CDH9: variants seen among roughly 807,000 people sequenced by gnomAD.
CDH9 encodes the protein cadherin-9.
In CDH9, 28 loss-of-function variants were observed where a neutral mutation model predicts 70.9. That is an observed-to-expected ratio of 0.40 (90% CI 0.29 to 0.54). The LOEUF (loss-of-function observed/expected upper bound fraction) is 0.54, where lower values mean the gene tolerates loss of function less well. Ranked by LOEUF, CDH9 falls within the 20% of genes least tolerant of loss-of-function variation. The probability of loss-of-function intolerance (pLI) is 0.59; values close to 1 mark genes in which losing one functional copy is unlikely to be tolerated. For synonymous variants in CDH9, 409 were observed against 343.1 expected (o/e 1.19, Z -2.12); for missense variants, 874 against 984.4 (o/e 0.89, Z 1.50).
intron 1 of CDH9, among the ~76,000 whole-genome samples, chr5:26,998,156 A>G (rs1470081226): frequency 6.6e-6 from 1 of 152,206 alleles, no homozygotes; most frequent in Non-Finnish European, 1.5e-5. Context: ...GCCTTTGAGC[A>G]ATAGAAACAA....
chr5:26,894,379 T>C (rs1424611129), intron 7 of CDH9, among the ~76,000 whole-genome samples: 2 of 152,164 alleles, frequency 1.3e-5, no homozygotes, highest in East Asian at 1.9e-4. Flanking sequence ...GATACACTTG[T>C]ATCTTTTTTC....
chr5:26,918,499 T>G (rs1444682300), intron 2 of CDH9, among the ~76,000 whole-genome samples: 3 of 152,202 alleles, frequency 2.0e-5, no homozygotes, highest in Non-Finnish European at 4.4e-5. Flanking sequence ...CCATAAATAT[T>G]TCCTCTTTTT....
At chr5:26,919,900 C>T (rs146651112) in intron 2 of CDH9, among the ~76,000 whole-genome samples, 18 of 152,240 alleles carry the variant, frequency 1.2e-4, no homozygotes, top group Middle Eastern at 3.4e-3. Flanking sequence ...AGGCAAGCAA[C>T]ACTTGCTGTG....
chr5:26,974,558 G>A (rs1742273289), intron 2 of CDH9, among the ~76,000 whole-genome samples: 1 of 152,138 alleles, frequency 6.6e-6, no homozygotes, highest in Admixed American at 6.5e-5. Context: ...ACTGGCTGGT[G>A]AGGCTTCTAT....
intron 2 of CDH9, among the ~76,000 whole-genome samples, chr5:26,930,026 A>G (rs539366825): frequency 5.3e-5 from 8 of 152,192 alleles, no homozygotes. Context: ...AAAGCATAAA[A>G]GCTTAAGGTA....
rs115003991 is a variant in CDH9, at chr5:26,928,333, G to A, written c.229-12409C>T. Among the ~76,000 whole-genome samples, 614 of 152,100 alleles carry A rather than the reference G, an allele frequency of 4.0e-3. 7 individuals are homozygous for A. Among genetic ancestry groups the A allele is most frequent in the African/African-American group, 0.014 (589 of 41,520 alleles). ...GCAATAAAATCTATAAAACATTAAT[G>A]CAAGAAAGGAGAGGATGCAATAAAA... On this transcript the variant is annotated intron_variant, in intron 2 of 11. Coordinates refer to ENST00000231021, the MANE Select transcript of CDH9 (RefSeq NM_016279.4).
chr5:26,900,580 G>T (rs1449446665), intron 7 of CDH9, among the ~76,000 whole-genome samples: 1 of 152,040 alleles, frequency 6.6e-6, no homozygotes, highest in Non-Finnish European at 1.5e-5. Context: ...TTATTAAAAA[G>T]ATTTGGTCTC....
chr5:27,022,751 G>A (rs1743160753), intron 1 of CDH9, among the ~76,000 whole-genome samples: 1 of 151,956 alleles, frequency 6.6e-6, no homozygotes, highest in African/African-American at 2.4e-5. Context: ...TACACAGAAA[G>A]ACTGATATCC....
At chr5:26,978,460 T>G (rs184326280) in intron 2 of CDH9, among the ~76,000 whole-genome samples, 1 of 151,976 alleles carries the variant, frequency 6.6e-6, no homozygotes, top group Admixed American at 6.6e-5. Flanking sequence ...TTTTCCAAAT[T>G]TAAGCACAGA....
intron 7 of CDH9, among the ~76,000 whole-genome samples, chr5:26,897,678 A>G (rs899040186): frequency 2.1e-5 from 3 of 145,934 alleles, no homozygotes; most frequent in African/African-American, 4.9e-5. Flanking sequence ...TCAAAATAGT[A>G]AGAGTTATTT....
At chr5:26,894,057 C>G (rs1740705868) in intron 7 of CDH9, among the ~76,000 whole-genome samples, 2 of 152,038 alleles carry the variant, frequency 1.3e-5, no homozygotes, top group South Asian at 2.1e-4. Flanking sequence ...AAAAACAAAC[C>G]TAAAACGTAC....
At chr5:26,990,061 C>T (rs1367252705) in intron 1 of CDH9, among the ~76,000 whole-genome samples, 2 of 152,046 alleles carry the variant, frequency 1.3e-5, no homozygotes, top group Admixed American at 6.6e-5. Flanking sequence ...ACTTAAACAC[C>T]GTTTTTAATA....
chr5:26,961,151 T>A (rs1742028145), intron 2 of CDH9, among the ~76,000 whole-genome samples: 1 of 152,114 alleles, frequency 6.6e-6, no homozygotes, highest in Non-Finnish European at 1.5e-5. Context: ...ACAAATACAA[T>A]CTGTATATAT....
rs576781569 is a variant in CDH9, at chr5:26,904,651, G to T, written c.812-827C>A. Among the ~76,000 whole-genome samples, 4 of 152,126 alleles carry T rather than the reference G, an allele frequency of 2.6e-5. No homozygotes were observed. In the South Asian group the frequency reaches 8.3e-4, roughly 31 times the overall value. ...AAAACTAATTCTTTCTGACTTCAAA[G>T]TCTATATTCTTTCCAATTTATTTGG... On this transcript the variant is annotated intron_variant, in intron 5 of 11. Coordinates refer to ENST00000231021, the MANE Select transcript of CDH9 (RefSeq NM_016279.4).
At chr5:26,934,078 G>A (rs558139602) in intron 2 of CDH9, among the ~76,000 whole-genome samples, 7 of 152,204 alleles carry the variant, frequency 4.6e-5, no homozygotes, top group South Asian at 2.1e-4. Context: ...AGAAGGCAAA[G>A]GAGAACAGGC....
At chr5:26,891,446 G>T (rs1740658222) in intron 7 of CDH9, among the ~76,000 whole-genome samples, 1 of 152,232 alleles carries the variant, frequency 6.6e-6, no homozygotes, top group Middle Eastern at 3.4e-3. Flanking sequence ...TGGAGGCCGA[G>T]GTGAGTGGAT....
At chr5:27,019,447 A>G (rs1393810778) in intron 1 of CDH9, among the ~76,000 whole-genome samples, 3 of 152,032 alleles carry the variant, frequency 2.0e-5, no homozygotes, top group African/African-American at 4.8e-5. Flanking sequence ...ACCTAGAATT[A>G]ATCCCAGTCT....
intron 1 of CDH9, among the ~76,000 whole-genome samples, chr5:27,033,469 TAGACAGAC>T (rs79016337): frequency 1.1e-3 from 161 of 150,758 alleles, no homozygotes; most frequent in Admixed American, 3.3e-3. Context: ...AAGACATAGA[TAGACAGAC>T]AGATAGACAG....
chr5:26,958,524 G>A (rs1404246021), intron 2 of CDH9, among the ~76,000 whole-genome samples: 1 of 151,970 alleles, frequency 6.6e-6, no homozygotes, highest in African/African-American at 2.4e-5. Flanking sequence ...CAGAAGAAGT[G>A]GCAGTAATAT....
Sources: allele counts gnomAD v4.1 joint callset (sites outside exome capture counted in the v4.1 genomes callset), GRCh38; gene constraint gnomAD v4.1.1; transcripts MANE v1.5; gene names NCBI Gene and HGNC (gene_info 2026-07-23, HGNC 2026-07-21).